The following MYL2 variants were observed in gnomAD, a reference collection of about 807,000 sequenced individuals.
MYL2 encodes the protein myosin light chain 2, also known as myosin regulatory light chain 2, ventricular/cardiac muscle isoform.
A neutral mutation model predicts 23.0 loss-of-function variants in MYL2; 19 were observed. The ratio of observed to expected loss-of-function variants is 0.83; its 90% CI spans 0.58 to 1.21. The LOEUF (loss-of-function observed/expected upper bound fraction) is 1.21. MYL2 is among the 50% of genes most tolerant of loss of function. The probability of loss-of-function intolerance (pLI) is 0.00; values close to 1 mark genes in which losing one functional copy is unlikely to be tolerated. For missense variants in MYL2, 180 were observed against 215.1 expected, an observed-to-expected ratio of 0.84 and a Z score of 1.02; for synonymous variants, 78 against 76.2, an observed-to-expected ratio of 1.02 and a Z score of -0.13.
chr12:110,913,363 C>T (rs1380727405), intron 4 of MYL2, 39 bp from the exon 5 acceptor site: 3 of 1,608,436 alleles, frequency 1.9e-6, no homozygotes, highest in South Asian at 2.2e-5. Context: ...CTGGGGGTGG[C>T]TGGGAACCAC....
rs2071672831 is a variant in MYL2 at position 110,914,123 on chromosome 12, C to G, written c.274+63G>C. 2.4e-6 allele frequency: 3 copies of G among 1,258,216 alleles called. No homozygotes were observed. The South Asian group carries it at 3.6e-5, about 15-fold the overall frequency. 77.9% of individuals were successfully genotyped at this position (1,258,216 alleles called of 1,614,324 possible). On this transcript the variant is annotated intron_variant, in intron 4 of 6. Coordinates refer to ENST00000228841, the MANE Select transcript of MYL2 (RefSeq NM_000432.4). Reference sequence around the variant, plus strand: ...CTCTTTTAAAGTTAACCATCTTCTGCCAGCCCCCCCGAAGAAACATAGACA... The same window carrying G: ...CTCTTTTAAAGTTAACCATCTTCTGGCAGCCCCCCCGAAGAAACATAGACA...
At chr12:110,915,085 T>C (rs553920763) in intron 3 of MYL2, among the ~76,000 whole-genome samples, 6 of 152,306 alleles carry the variant, frequency 3.9e-5, no homozygotes, top group Admixed American at 3.9e-4. Context: ...TTTAAGCCAA[T>C]GTATGTTTTA....
At position 110,913,313 on chromosome 12, in the gene MYL2, C is replaced by A; in HGVS notation, c.286G>T (p.Glu96Ter). The change falls in exon 5 of 7, where the codon GAG (glutamate) becomes TAG (stop). Residue 96 changes from glutamate to a stop codon, truncating the protein, a stop_gained. Coordinates refer to ENST00000228841, the MANE Select transcript of MYL2 (RefSeq NM_000432.4). LOFTEE classifies it high-confidence loss of function. Reference sequence around the variant, plus strand: ...TTGAATGCGTTGAGAATGGTTTCCTCAGGGTCCGCTCCTGAAACGGAACAC... The same window carrying A: ...TTGAATGCGTTGAGAATGGTTTCCTAAGGGTCCGCTCCTGAAACGGAACAC... ...FGEKLKGADP[E>*]ETILNAFKVF... 6.2e-7 allele frequency: 1 copy of A among 1,614,222 alleles called. No homozygotes were observed. The highest frequency in any genetic ancestry group is 8.5e-7 in the Non-Finnish European group (1 of 1,180,048).
intron 1 of MYL2, among the ~76,000 whole-genome samples, chr12:110,919,938 C>T (rs1470321660): frequency 1.3e-5 from 2 of 152,054 alleles, no homozygotes; most frequent in East Asian, 1.9e-4. Context: ...GGTCACTTGC[C>T]CAAGATCACA....
rs771812779 is a variant in MYL2, at chr12:110,914,179, A to G, written c.274+7T>C. 7 of 1,597,048 alleles carry G rather than the reference A, an allele frequency of 4.4e-6. No homozygotes were observed. The highest frequency in any genetic ancestry group is 6.0e-6 in the Non-Finnish European group (7 of 1,165,472). On this transcript the variant is annotated splice_region_variant and intron_variant, in intron 4 of 6. Coordinates refer to ENST00000228841, the MANE Select transcript of MYL2 (RefSeq NM_000432.4). ...ACACAGACACACACACACACACACGACCTTACCCTTAAGTTTCTCCCCAAA... is the reference window on the plus strand; with the variant it reads ...ACACAGACACACACACACACACACGGCCTTACCCTTAAGTTTCTCCCCAAA...
upstream of MYL2, chr12:110,920,813 G>A (rs547864736): frequency 1.9e-5 from 11 of 576,078 alleles, no homozygotes; most frequent in East Asian, 1.2e-4. Flanking sequence ...GAGATGCTGC[G>A]CGCTCTCTGC....
chr12:110,913,420 C>T, intron 4 of MYL2, 96 bp from the exon 5 acceptor site: 1 of 1,270,338 alleles, frequency 7.9e-7, no homozygotes, highest in Middle Eastern at 1.9e-4. Context: ...GATGAAGGGG[C>T]CAGAGCAAGG....
At chr12:110,913,002 G>A in intron 6 of MYL2, 94 bp downstream of exon 6, 1 of 1,324,934 alleles carries the variant, frequency 7.5e-7, no homozygotes, top group Non-Finnish European at 1.1e-6. Context: ...GTCAGTGTGG[G>A]GTCAGGGGTG....
intron 2 of MYL2, among the ~76,000 whole-genome samples, chr12:110,916,165 G>A (rs1161259601): frequency 2.0e-5 from 3 of 152,152 alleles, no homozygotes; most frequent in Admixed American, 6.5e-5. Flanking sequence ...GTGAAACTCC[G>A]TCTCTATTAA....
intron 1 of MYL2, among the ~76,000 whole-genome samples, chr12:110,920,105 C>G (rs1416277015): frequency 6.6e-6 from 1 of 152,170 alleles, no homozygotes; most frequent in East Asian, 1.9e-4. Context: ...AGGGGGACAC[C>G]TAACCCAACA....
Position 110,914,174 on chromosome 12 carries a change from A to T in MYL2, c.274+12T>A. 6.3e-7 allele frequency: 1 copy of T among 1,597,182 alleles called. No individual in the cohort carries two copies. Among genetic ancestry groups the T allele is most frequent in the Non-Finnish European group, 8.6e-7 (1 of 1,164,712 alleles). ...CATACACACAGACACACACACACACACACGACCTTACCCTTAAGTTTCTCC... is the reference window on the plus strand; with the variant it reads ...CATACACACAGACACACACACACACTCACGACCTTACCCTTAAGTTTCTCC... On this transcript the variant is annotated intron_variant, in intron 4 of 6. Coordinates refer to ENST00000228841, the MANE Select transcript of MYL2 (RefSeq NM_000432.4).
intron 2 of MYL2, among the ~76,000 whole-genome samples, chr12:110,917,023 T>C (rs1009120433): frequency 6.6e-6 from 1 of 151,910 alleles, no homozygotes; most frequent in Admixed American, 6.6e-5. Flanking sequence ...CTTATTTTTC[T>C]TTAGTAGAGT....
intron 4 of MYL2, 32 bp from the exon 5 acceptor site, chr12:110,913,356 G>A: frequency 1.9e-6 from 3 of 1,613,300 alleles, no homozygotes; most frequent in Non-Finnish European, 2.5e-6. Flanking sequence ...ACATGTACTG[G>A]GGGTGGCTGG....
At chr12:110,920,614 TC>T, upstream of MYL2, 1 of 1,604,144 alleles carries the variant, frequency 6.2e-7, no homozygotes, top group African/African-American at 1.3e-5. Flanking sequence ...AAATACTTCC[TC>T]CCCATGTTTA....
intron 4 of MYL2, 106 bp from the exon 5 acceptor site, chr12:110,913,430 G>A (rs542635792): frequency 8.5e-7 from 1 of 1,175,816 alleles, no homozygotes; most frequent in Non-Finnish European, 1.3e-6. Flanking sequence ...CCAGAGCAAG[G>A]CTGCTTTGCA....
At chr12:110,920,493 C>T (rs373786922) in intron 1 of MYL2, 34 bp downstream of exon 1, 49 of 1,613,956 alleles carry the variant, frequency 3.0e-5, no homozygotes, top group African/African-American at 8.0e-5. Flanking sequence ...CTCGCCCACC[C>T]GGCATCATCA....
upstream of MYL2, chr12:110,920,598 A>G: frequency 6.2e-7 from 1 of 1,611,010 alleles, no homozygotes; most frequent in Non-Finnish European, 8.5e-7. Context: ...GCAGCCCAGG[A>G]ACAATAAATA....
Position 110,910,985 on chromosome 12 carries a change from A to G in MYL2, c.*92T>C. ...TGGGGCAGCCACATGGCTAACAGAC[A>G]AGGTAGGGACAGAGGCGGTACTCGG... On this transcript the variant is annotated 3_prime_UTR_variant, in exon 7 of 7. Coordinates refer to ENST00000228841, the MANE Select transcript of MYL2 (RefSeq NM_000432.4). 8.5e-7 allele frequency: 1 copy of G among 1,172,774 alleles called. No homozygotes were observed. The highest frequency in any genetic ancestry group is 1.3e-6 in the Non-Finnish European group (1 of 781,416). 72.6% of individuals were successfully genotyped at this position (1,172,774 alleles called of 1,614,324 possible).
chr12:110,911,343 C>A (rs564156253), intron 6 of MYL2, among the ~76,000 whole-genome samples, 168 bp from the exon 7 acceptor site: 156 of 152,158 alleles, frequency 1.0e-3, no homozygotes, highest in Non-Finnish European at 1.9e-3. Context: ...TGCTGCAGGG[C>A]CCCCTCGCCC....
Sources: gnomAD v4.1 joint callset for allele counts (sites outside exome capture counted in the v4.1 genomes callset) on GRCh38, gnomAD v4.1.1 for gene constraint, MANE v1.5 for transcripts, NCBI Gene and HGNC (gene_info 2026-07-23, HGNC 2026-07-21) for gene names.